The following CEMIP variants were observed in gnomAD, a reference collection of about 807,000 sequenced individuals.
CEMIP encodes the protein cell migration inducing hyaluronidase 1.
CEMIP carries 105 observed loss-of-function variants against 156.9 expected under a neutral mutation model. That is an observed-to-expected ratio of 0.67 (90% CI 0.57 to 0.79). The LOEUF (loss-of-function observed/expected upper bound fraction) is 0.79, where lower values mean the gene tolerates loss of function less well. Ranked by LOEUF, CEMIP falls within the 30% of genes least tolerant of loss-of-function variation. The probability of loss-of-function intolerance (pLI) is 0.00; values close to 1 mark genes in which losing one functional copy is unlikely to be tolerated. For synonymous variants in CEMIP, 676 were observed against 668.4 expected (o/e 1.01, Z -0.17); for missense variants, 1,457 against 1,769.4 (o/e 0.82, Z 3.17).
Position 80,942,593 on chromosome 15 carries a change from G to A in CEMIP, c.3699+256G>A, listed in dbSNP as rs1292520233. On this transcript the variant is annotated intron_variant, in intron 27 of 29. Transcript: ENST00000394685. ...GTGGGCTTTTCTCCTGAGTGTCTGC[G>A]TCTCACCTCTCCTCCTGCCTTTCTT... Among the ~76,000 whole-genome samples the A allele has an allele frequency of 5.9e-5, 9 of 152,074 alleles. No individual in the cohort carries two copies. In the East Asian group the frequency reaches 7.7e-4, roughly 13 times the overall value.
chr15:80,812,386 A>G (rs1285034246), intron 1 of CEMIP, among the ~76,000 whole-genome samples: 2 of 152,156 alleles, frequency 1.3e-5, no homozygotes, highest in African/African-American at 4.8e-5. Flanking sequence ...TTGTATTACA[A>G]ACTTGTGTAA....
At position 80,894,953 on chromosome 15, in the gene CEMIP, A is replaced by G. The variant is rs745652291; in HGVS notation, c.1087-37A>G. 7.4e-6 allele frequency: 12 copies of G among 1,613,846 alleles called. No individual in the cohort carries two copies. In the South Asian group the frequency reaches 1.2e-4, roughly 16 times the overall value. ...AGCACCTTCCTTCTCTATAAAAAAA[A>G]AACGACTTTGCTCTGTAATTTCTGT... On this transcript the variant is annotated intron_variant, in intron 10 of 29. Transcript: ENST00000394685.
In CEMIP at chr15:80,925,646, G is replaced by C. The variant is rs747866786; in HGVS notation, c.2311G>C (p.Asp771His). ...SARYSPHQDA[D>H]PLKPREPAII... ...CAGATACAGCCCTCACCAGGACGCC[G>C]ACCCGCTGAAGCCCCGGGAGCCGGC... is the stretch of plus-strand genomic sequence containing the variant. Residue 771 changes from aspartate (D) to histidine (H), a missense_variant, in exon 19 of 30, where the codon GAC becomes CAC. By Grantham distance (81) the Asp-to-His change is moderately conservative. Around this residue, in one of 5 missense-constraint regions of CEMIP, gnomAD observed 798 missense variants for 980.1 expected, o/e 0.81. Transcript: ENST00000394685. 2 of 1,613,140 alleles carry C rather than the reference G, an allele frequency of 1.2e-6. No individual in the cohort carries two copies. Among genetic ancestry groups the C allele is most frequent in the Non-Finnish European group, 1.7e-6 (2 of 1,179,964 alleles).
chr15:80,797,312 G>A (rs999656253), intron 1 of CEMIP, among the ~76,000 whole-genome samples: 1 of 152,066 alleles, frequency 6.6e-6, no homozygotes, highest in African/African-American at 2.4e-5. Flanking sequence ...ATCGCTATTC[G>A]ATGCCACAGG....
intron 1 of CEMIP, among the ~76,000 whole-genome samples, chr15:80,863,659 G>A (rs1335152400): frequency 1.3e-5 from 2 of 152,170 alleles, no homozygotes; most frequent in Non-Finnish European, 2.9e-5. Context: ...ATGGCAGCTG[G>A]GAGGATGGTC....
At chr15:80,881,952 T>C (rs970231721) in intron 6 of CEMIP, among the ~76,000 whole-genome samples, 5 of 152,174 alleles carry the variant, frequency 3.3e-5, no homozygotes, top group African/African-American at 1.2e-4. Context: ...TGGCAGATGC[T>C]GCCAAGGCTG....
intron 1 of CEMIP, among the ~76,000 whole-genome samples, chr15:80,870,926 A>C (rs1898266902): frequency 6.6e-6 from 1 of 152,168 alleles, no homozygotes; most frequent in Non-Finnish European, 1.5e-5. Context: ...GCAGGCCTCT[A>C]ACCCAGTGAG....
In CEMIP at chr15:80,948,777, G is replaced by A; in HGVS notation, c.3959-20G>A. On this transcript the variant is annotated intron_variant, in intron 29 of 29. Transcript: ENST00000394685. ...CCTCTCATAGGGCTTTTGCTCAGGA[G>A]ACTCATCATTGCTTTTCAGAGCAAA... The A allele has an allele frequency of 6.2e-7, 1 of 1,614,008 alleles. No homozygotes were observed. Among genetic ancestry groups the A allele is most frequent in the Non-Finnish European group, 8.5e-7 (1 of 1,180,018 alleles).
chr15:80,861,837 G>T (rs986687272), intron 1 of CEMIP, among the ~76,000 whole-genome samples: 1 of 152,268 alleles, frequency 6.6e-6, no homozygotes, highest in African/African-American at 2.4e-5. Context: ...CTGGGAAGAT[G>T]TATAGCCCAG....
chr15:80,888,419 T>C (rs562746670), intron 8 of CEMIP, among the ~76,000 whole-genome samples: 2 of 152,248 alleles, frequency 1.3e-5, no homozygotes, highest in South Asian at 2.1e-4. Context: ...AGCGCTGCAG[T>C]TCTAATGCCA....
chr15:80,916,531 G>C (rs916525316), intron 14 of CEMIP, among the ~76,000 whole-genome samples: 2 of 152,218 alleles, frequency 1.3e-5, no homozygotes, highest in Non-Finnish European at 2.9e-5. Flanking sequence ...ATGGCCACCC[G>C]TGAATCTATA....
chr15:80,846,392 C>T (rs1897558104), intron 1 of CEMIP, among the ~76,000 whole-genome samples: 1 of 152,186 alleles, frequency 6.6e-6, no homozygotes, highest in African/African-American at 2.4e-5. Flanking sequence ...CCCAGGAAAA[C>T]CTTTCCTGTG....
intron 1 of CEMIP, among the ~76,000 whole-genome samples, chr15:80,868,882 A>G (rs552712365): frequency 1.1e-4 from 17 of 152,338 alleles, no homozygotes; most frequent in African/African-American, 3.8e-4. Flanking sequence ...ATTACAGGTG[A>G]GAAACCTGTG....
At chr15:80,878,968 T>C (rs1898557141) in intron 4 of CEMIP, 101 bp downstream of exon 4, 2 of 1,433,910 alleles carry the variant, frequency 1.4e-6, no homozygotes, top group East Asian at 4.5e-5. Flanking sequence ...AGAATAAACA[T>C]CACATGCTTT....
intron 14 of CEMIP, among the ~76,000 whole-genome samples, chr15:80,915,554 T>C (rs556259679): frequency 1.3e-5 from 2 of 152,304 alleles, no homozygotes; most frequent in South Asian, 2.1e-4. Flanking sequence ...TACTGGTAGA[T>C]TGGGGTAAGA....
rs117430859 is a variant in CEMIP, at chr15:80,788,581, G to A, written c.-176+8967G>A. Reference sequence around the variant, plus strand: ...CTATTTCAAAGCTGATTGTGTTACAGGCACTGAGTAATTCACTCTAATGCT... The same window carrying A: ...CTATTTCAAAGCTGATTGTGTTACAAGCACTGAGTAATTCACTCTAATGCT... On this transcript the variant is annotated intron_variant, in intron 1 of 29. Transcript: ENST00000394685. Among the ~76,000 whole-genome samples the A allele has an allele frequency of 6.6e-5, 10 of 152,240 alleles. No individual in the cohort carries two copies. In the East Asian group the frequency reaches 1.9e-3, roughly 29 times the overall value.
At chr15:80,793,779 A>G (rs1353965842) in intron 1 of CEMIP, among the ~76,000 whole-genome samples, 2 of 152,034 alleles carry the variant, frequency 1.3e-5, no homozygotes, top group East Asian at 3.9e-4. Context: ...TTCCCTTTCT[A>G]TTTTCACAGA....
chr15:80,893,480 C>A (rs1304516313), intron 10 of CEMIP, among the ~76,000 whole-genome samples: 1 of 152,178 alleles, frequency 6.6e-6, no homozygotes, highest in Non-Finnish European at 1.5e-5. Context: ...CTCCAGCCCC[C>A]TTCGATAATG....
intron 1 of CEMIP, among the ~76,000 whole-genome samples, chr15:80,785,034 A>G (rs1262180549): frequency 6.6e-6 from 1 of 152,194 alleles, no homozygotes; most frequent in Non-Finnish European, 1.5e-5. Context: ...TTATCAGCAG[A>G]CTAAATATCT....
Sources: allele counts gnomAD v4.1 joint callset (sites outside exome capture counted in the v4.1 genomes callset), GRCh38; gene constraint gnomAD v4.1.1; regional missense constraint gnomAD v4.1.1; transcripts MANE v1.5; gene names NCBI Gene and HGNC (gene_info 2026-07-23, HGNC 2026-07-21).